The following GLCE variants were observed in gnomAD, a reference collection of about 807,000 sequenced individuals.
GLCE encodes the protein D-glucuronyl C5-epimerase.
A neutral mutation model predicts 47.9 loss-of-function variants in GLCE; 19 were observed. That is an observed-to-expected ratio of 0.40 (90% CI 0.28 to 0.58). GLCE has a LOEUF of 0.58. GLCE is among the 20% of genes least tolerant of loss of function. The pLI, the probability that GLCE is intolerant of heterozygous loss-of-function variation, is 0.48. For missense variants in GLCE, 556 were observed against 743.3 expected (o/e 0.75, Z 2.93); for synonymous variants, 245 against 263.4 (o/e 0.93, Z 0.68).
intron 2 of GLCE, among the ~76,000 whole-genome samples, chr15:69,218,650 C>T (rs1278294457): frequency 2.0e-5 from 3 of 152,164 alleles, no homozygotes; most frequent in Non-Finnish European, 2.9e-5. Context: ...TTCAACCTCA[C>T]GGGGCTTCAC....
At chr15:69,187,510 A>T (rs940945980) in intron 1 of GLCE, among the ~76,000 whole-genome samples, 4 of 152,162 alleles carry the variant, frequency 2.6e-5, no homozygotes, top group Non-Finnish European at 5.9e-5. Flanking sequence ...ATAATGGAGA[A>T]ATCCTGCTTT....
chr15:69,195,789 C>T (rs867007506), intron 1 of GLCE, among the ~76,000 whole-genome samples: 11 of 152,156 alleles, frequency 7.2e-5, no homozygotes, highest in Non-Finnish European at 2.9e-5. Flanking sequence ...TTAAATTACT[C>T]CCCTATATTA....
intron 1 of GLCE, among the ~76,000 whole-genome samples, chr15:69,177,739 C>CATCTTTACTTCATGCCGCTTTATT (rs2051691448): frequency 3.3e-5 from 5 of 150,420 alleles, no homozygotes; most frequent in African/African-American, 1.2e-4. Flanking sequence ...GCCGCTTTAT[C>CATCTTTACTTCATGCCGCTTTATT]ATCTTTACTT....
chr15:69,170,995 T>A (rs963549517), intron 1 of GLCE, among the ~76,000 whole-genome samples: 2 of 152,214 alleles, frequency 1.3e-5, no homozygotes, highest in Non-Finnish European at 2.9e-5. Flanking sequence ...CTTAAGCATT[T>A]TAGGATTCAT....
At chr15:69,267,839 T>A (rs1229698416) in intron 4 of GLCE, among the ~76,000 whole-genome samples, 1 of 113,454 alleles carries the variant, frequency 8.8e-6, no homozygotes, top group African/African-American at 2.9e-5. Flanking sequence ...GAGCCAGGTT[T>A]TGGCTTTTTT....
intron 1 of GLCE, among the ~76,000 whole-genome samples, chr15:69,169,110 A>G (rs751079182): frequency 3.9e-5 from 6 of 152,138 alleles, no homozygotes; most frequent in Admixed American, 6.5e-5. Flanking sequence ...TCATTCTTTT[A>G]TGTCTAATTT....
At chr15:69,176,457 C>T (rs1304745637) in intron 1 of GLCE, among the ~76,000 whole-genome samples, 1 of 151,944 alleles carries the variant, frequency 6.6e-6, no homozygotes, top group Non-Finnish European at 1.5e-5. Context: ...CTCCTGACCT[C>T]AGATGATCTG....
chr15:69,166,990 T>A (rs1337357931), intron 1 of GLCE, among the ~76,000 whole-genome samples: 1 of 132,922 alleles, frequency 7.5e-6, no homozygotes, highest in African/African-American at 3.0e-5. Flanking sequence ...CTGAAGCAGG[T>A]GGATCACTTG....
chr15:69,257,772 A>G (rs779048735), intron 3 of GLCE, among the ~76,000 whole-genome samples: 8 of 152,098 alleles, frequency 5.3e-5, no homozygotes, highest in Non-Finnish European at 8.8e-5. Context: ...ATGTTTTAGC[A>G]TAATCGTAAT....
chr15:69,210,898 C>G (rs979809318), intron 2 of GLCE, among the ~76,000 whole-genome samples: 4 of 152,138 alleles, frequency 2.6e-5, no homozygotes, highest in Non-Finnish European at 5.9e-5. Context: ...GTATGGCCCA[C>G]AAGCCTAAAA....
At chr15:69,237,317 G>A (rs982707461) in intron 2 of GLCE, among the ~76,000 whole-genome samples, 1 of 152,118 alleles carries the variant, frequency 6.6e-6, no homozygotes, top group Non-Finnish European at 1.5e-5. Flanking sequence ...ATTTGGGGCT[G>A]GGTGCGGTGG....
chr15:69,170,803 A>G (rs2051578113), intron 1 of GLCE, among the ~76,000 whole-genome samples: 1 of 152,196 alleles, frequency 6.6e-6, no homozygotes, highest in Non-Finnish European at 1.5e-5. Context: ...AGCGCTCCTT[A>G]TTATTGAATC....
intron 1 of GLCE, among the ~76,000 whole-genome samples, chr15:69,164,137 C>T (rs1396123664): frequency 1.3e-5 from 2 of 150,918 alleles, no homozygotes; most frequent in Non-Finnish European, 3.0e-5. Context: ...TATTGTGGTA[C>T]AGACTTCAGG....
intron 4 of GLCE, among the ~76,000 whole-genome samples, chr15:69,262,706 G>A (rs2053031513): frequency 6.6e-6 from 1 of 152,150 alleles, no homozygotes; most frequent in South Asian, 2.1e-4. Context: ...CCAGTAGCTG[G>A]AGATAAAACT....
intron 1 of GLCE, among the ~76,000 whole-genome samples, chr15:69,186,613 G>C (rs924748963): frequency 6.6e-6 from 1 of 152,194 alleles, no homozygotes; most frequent in Non-Finnish European, 1.5e-5. Flanking sequence ...AGTATCTAAG[G>C]TGTATCAGAA....
At chr15:69,175,870 A>G (rs2051654487) in intron 1 of GLCE, among the ~76,000 whole-genome samples, 1 of 152,210 alleles carries the variant, frequency 6.6e-6, no homozygotes, top group Non-Finnish European at 1.5e-5. Flanking sequence ...TTAAATTAAA[A>G]CAAATAAAGT....
intron 1 of GLCE, among the ~76,000 whole-genome samples, chr15:69,207,505 A>G (rs1440485917): frequency 2.0e-5 from 3 of 152,044 alleles, no homozygotes; most frequent in African/African-American, 4.8e-5. Context: ...CGTATAATAT[A>G]TTGCTTTTGG....
chr15:69,197,202 T>C (rs1276535720), intron 1 of GLCE: 9 of 422,518 alleles, frequency 2.1e-5, no homozygotes, highest in Non-Finnish European at 4.3e-5. Context: ...TTGAATGAAT[T>C]GGGCACAAAG....
chr15:69,199,982 A>G (rs570975491), intron 1 of GLCE, among the ~76,000 whole-genome samples: 1 of 152,166 alleles, frequency 6.6e-6, no homozygotes, highest in Non-Finnish European at 1.5e-5. Flanking sequence ...GCTGGGTTTT[A>G]TCAGAGTAGT....
Sources: allele counts gnomAD v4.1 joint callset (sites outside exome capture counted in the v4.1 genomes callset), GRCh38; gene constraint gnomAD v4.1.1; transcripts MANE v1.5; gene names NCBI Gene and HGNC (gene_info 2026-07-23, HGNC 2026-07-21).